The following RAPGEF2 variants were observed in gnomAD, a reference collection of about 807,000 sequenced individuals.
The protein encoded by RAPGEF2 is Rap guanine nucleotide exchange factor 2.
A neutral mutation model predicts 186.7 loss-of-function variants in RAPGEF2; 54 were observed. That is an observed-to-expected ratio of 0.29 (90% CI 0.23 to 0.36). The LOEUF is 0.36. RAPGEF2 is among the 10% of genes least tolerant of loss of function. RAPGEF2 has a pLI of 1.00. For missense variants in RAPGEF2, 1,532 were observed against 2,045.0 expected (o/e 0.75, Z 4.84); for synonymous variants, 712 against 705.9 (o/e 1.01, Z -0.14).
At chr4:159,147,091 C>T (rs1344950316) in intron 1 of RAPGEF2, among the ~76,000 whole-genome samples, 5 of 152,202 alleles carry the variant, frequency 3.3e-5, no homozygotes, top group Non-Finnish European at 1.5e-5. Flanking sequence ...GGCCACAGCA[C>T]CAGGCCTCTT....
At chr4:159,209,855 G>A (rs1750348938) in intron 3 of RAPGEF2, among the ~76,000 whole-genome samples, 1 of 152,132 alleles carries the variant, frequency 6.6e-6, no homozygotes, top group Non-Finnish European at 1.5e-5. Flanking sequence ...GAAAACAATG[G>A]GAAATGACTA....
rs554451563 is a variant in RAPGEF2, at chr4:159,201,014, C to T, written c.197+7758C>T. Among the ~76,000 whole-genome samples, 8 of 152,284 alleles carry T rather than the reference C, an allele frequency of 5.3e-5. No individual in the cohort carries two copies. In the South Asian group the frequency reaches 1.7e-3, roughly 32 times the overall value. On this transcript the variant is annotated intron_variant, in intron 3 of 29. Coordinates refer to ENST00000691494, the MANE Select transcript of RAPGEF2 (RefSeq NM_001394067.2). ...CCCTTAACTCTTGTTAGTCCTCCTT[C>T]TAAAATTTGGCGTATACTTCATGTT...
At chr4:159,212,843 G>A (rs1021039391) in intron 4 of RAPGEF2, among the ~76,000 whole-genome samples, 5 of 152,198 alleles carry the variant, frequency 3.3e-5, no homozygotes, top group East Asian at 3.9e-4. Context: ...AGTAGTGGTC[G>A]TCCTTGACTA....
At chr4:159,159,976 GA>G (rs988818546) in intron 1 of RAPGEF2, among the ~76,000 whole-genome samples, 1 of 152,116 alleles carries the variant, frequency 6.6e-6, no homozygotes, top group South Asian at 2.1e-4. Context: ...CATCTATATG[GA>G]AAAAAACCCA....
At chr4:159,162,868 C>T (rs1417693633) in intron 1 of RAPGEF2, among the ~76,000 whole-genome samples, 1 of 151,850 alleles carries the variant, frequency 6.6e-6, no homozygotes, top group East Asian at 1.9e-4. Flanking sequence ...TAAGTTGTCT[C>T]TTTTATTGTT....
chr4:159,245,114 A>G (rs897603528), intron 7 of RAPGEF2, among the ~76,000 whole-genome samples: 3 of 152,036 alleles, frequency 2.0e-5, no homozygotes, highest in Non-Finnish European at 4.4e-5. Flanking sequence ...TAAAATGCGC[A>G]CTGAGTTATG....
chr4:159,351,167 G>C, intron 26 of RAPGEF2: 1 of 1,534,856 alleles, frequency 6.5e-7, no homozygotes, highest in Non-Finnish European at 8.7e-7. Flanking sequence ...AATGCACCAC[G>C]GACCTATGGG....
At chr4:159,164,299 C>A (rs537301023) in intron 1 of RAPGEF2, among the ~76,000 whole-genome samples, 1 of 124,408 alleles carries the variant, frequency 8.0e-6, no homozygotes, top group Non-Finnish European at 1.7e-5. Flanking sequence ...CCACTGCACC[C>A]GGCTGTTTTT....
intron 4 of RAPGEF2, among the ~76,000 whole-genome samples, chr4:159,211,518 G>A (rs1232520787): frequency 6.6e-6 from 1 of 152,176 alleles, no homozygotes; most frequent in Non-Finnish European, 1.5e-5. Context: ...GTAATGTCTT[G>A]TTGATAAATA....
At chr4:159,243,698 A>C in intron 6 of RAPGEF2, 76 bp from the exon 7 acceptor site, 1 of 959,234 alleles carries the variant, frequency 1.0e-6, no homozygotes. Flanking sequence ...ATTTTGGCAG[A>C]TGTAATATAG....
intron 1 of RAPGEF2, among the ~76,000 whole-genome samples, chr4:159,168,538 A>G (rs1341765087): frequency 6.6e-6 from 1 of 151,940 alleles, no homozygotes; most frequent in Non-Finnish European, 1.5e-5. Flanking sequence ...TGGTTCTGCC[A>G]AGTTGGGTTT....
intron 7 of RAPGEF2, among the ~76,000 whole-genome samples, chr4:159,265,892 G>A (rs1027107900): frequency 3.3e-5 from 5 of 152,172 alleles, no homozygotes; most frequent in African/African-American, 1.2e-4. Flanking sequence ...ATTGATCATG[G>A]ACAGAGATGT....
intron 4 of RAPGEF2, among the ~76,000 whole-genome samples, chr4:159,228,075 TCAGG>T (rs1752222349): frequency 6.6e-6 from 1 of 152,140 alleles, no homozygotes; most frequent in Admixed American, 6.5e-5. Flanking sequence ...AGAGTGTCTG[TCAGG>T]CAGCCGCTGA....
At chr4:159,295,754 T>TGTGTGTGTGTGCGC (rs1386754001) in intron 7 of RAPGEF2, among the ~76,000 whole-genome samples, 1 of 113,934 alleles carries the variant, frequency 8.8e-6, no homozygotes, top group Non-Finnish European at 1.9e-5. Flanking sequence ...TGTGTGTGTG[T>TGTGTGTGTGTGCGC]GCGCGCGCGC....
Position 159,241,353 on chromosome 4 carries a change from T to G in RAPGEF2, c.510T>G (p.Pro170=). Residue 170 remains proline (P), a synonymous_variant, in exon 6 of 30, where the codon CCT becomes CCG. Coordinates refer to ENST00000691494, the MANE Select transcript of RAPGEF2 (RefSeq NM_001394067.2). Reference sequence around the variant, plus strand: ...ATCCCATGGGCAAACCTCCTTTGCCTAGAGGCTATCACACGGTAAGTTATA... The same window carrying G: ...ATCCCATGGGCAAACCTCCTTTGCCGAGAGGCTATCACACGGTAAGTTATA... ...DPYPMGKPPL[P]RGYHTECTKS... The G allele has an allele frequency of 6.7e-7, 1 of 1,495,330 alleles. No homozygotes were observed. Among genetic ancestry groups the G allele is most frequent in the Non-Finnish European group, 8.9e-7 (1 of 1,123,922 alleles). The allele number at this position is 1,495,330 out of a possible 1,614,324, so 92.6% of individuals were successfully genotyped here.
intron 18 of RAPGEF2, 79 bp from the exon 19 acceptor site, chr4:159,339,035 T>C (rs1767863805): frequency 3.3e-6 from 5 of 1,508,990 alleles, no homozygotes; most frequent in Non-Finnish European, 4.5e-6. Flanking sequence ...AAGGAGCTTT[T>C]TTCTGATTAC....
chr4:159,272,888 T>C (rs1369559376), intron 7 of RAPGEF2, among the ~76,000 whole-genome samples: 2 of 152,240 alleles, frequency 1.3e-5, no homozygotes, highest in African/African-American at 4.8e-5. Context: ...AACCTCTTTC[T>C]TCACCTCTCC....
intron 1 of RAPGEF2, among the ~76,000 whole-genome samples, chr4:159,125,481 G>C (rs949788081): frequency 2.6e-5 from 4 of 151,956 alleles, no homozygotes; most frequent in Non-Finnish European, 4.4e-5. Context: ...GTTATGGGCT[G>C]GGCGCGGTGG....
intron 3 of RAPGEF2, among the ~76,000 whole-genome samples, chr4:159,206,980 A>G (rs1173496787): frequency 6.6e-6 from 1 of 152,238 alleles, no homozygotes; most frequent in East Asian, 1.9e-4. Flanking sequence ...TTACTTTTCC[A>G]AAATCTGAAT....
Sources: allele counts gnomAD v4.1 joint callset (sites outside exome capture counted in the v4.1 genomes callset), GRCh38; gene constraint gnomAD v4.1.1; transcripts MANE v1.5; gene names NCBI Gene and HGNC (gene_info 2026-07-23, HGNC 2026-07-21).